SMYD3: variants seen among roughly 807,000 people sequenced by gnomAD.
SMYD3 encodes histone-lysine N-methyltransferase SMYD3.
Under a neutral mutation model 57.7 loss-of-function variants are expected in SMYD3, and 36 were observed. The ratio of observed to expected loss-of-function variants is 0.62; its 90% CI spans 0.48 to 0.82. The LOEUF is 0.82. Among genes scored for constraint, SMYD3 ranks in the 40% least tolerant of loss-of-function variants. The pLI is 0.00. For synonymous variants in SMYD3, 211 were observed against 195.0 expected (o/e 1.08, Z -0.68); for missense variants, 515 against 538.8 (o/e 0.96, Z 0.44).
rs184882817 is a variant in SMYD3, at chr1:245,803,221, C to T, written c.1077-39072G>A. ...TGGGATTCAGTTATGAATGGCTTGC[C>T]GTATGTGCAAGCACTCTGTCATTTG... On this transcript the variant is annotated intron_variant, in intron 10 of 11. Coordinates refer to ENST00000490107, the MANE Select transcript of SMYD3 (RefSeq NM_001167740.2). 3.2e-3 allele frequency among the ~76,000 whole-genome samples: 491 copies of T among 152,304 alleles called. 5 individuals carry two copies. The highest frequency in any genetic ancestry group is 0.026 in the Admixed American group (391 of 15,302).
intron 1 of SMYD3, among the ~76,000 whole-genome samples, chr1:246,386,998 CTATGT>C (rs1397899108): frequency 1.3e-5 from 2 of 152,144 alleles, no homozygotes; most frequent in African/African-American, 4.8e-5. Context: ...GGGGAACTAC[CTATGT>C]TATATGACTC....
chr1:246,415,255 C>A (rs1182833444), intron 1 of SMYD3, among the ~76,000 whole-genome samples: 4 of 152,214 alleles, frequency 2.6e-5, no homozygotes, highest in African/African-American at 9.6e-5. Flanking sequence ...CTTTTCTTCT[C>A]TGAACAGTTA....
chr1:246,290,885 A>T (rs2064676537), intron 5 of SMYD3, among the ~76,000 whole-genome samples: 1 of 152,220 alleles, frequency 6.6e-6, no homozygotes, highest in East Asian at 1.9e-4. Context: ...AGCAGCAGAA[A>T]GAAATATAAT....
chr1:245,753,812 A>T (rs1418273747), intron 11 of SMYD3, among the ~76,000 whole-genome samples: 1 of 151,618 alleles, frequency 6.6e-6, no homozygotes, highest in African/African-American at 2.4e-5. Flanking sequence ...TTCTCCTACC[A>T]CTCCCATCTG....
chr1:245,837,293 G>A (rs2050151416), intron 10 of SMYD3, among the ~76,000 whole-genome samples: 3 of 151,860 alleles, frequency 2.0e-5, no homozygotes. Context: ...AAGAAGAGAT[G>A]GCAGCCACAG....
intron 1 of SMYD3, among the ~76,000 whole-genome samples, chr1:246,375,697 G>T (rs1177745655): frequency 6.6e-6 from 1 of 152,032 alleles, no homozygotes; most frequent in Admixed American, 6.6e-5. Flanking sequence ...GCAATAATGT[G>T]AACTGGCTAA....
chr1:245,899,217 T>C (rs2054026058), intron 8 of SMYD3, among the ~76,000 whole-genome samples: 1 of 152,070 alleles, frequency 6.6e-6, no homozygotes, highest in African/African-American at 2.4e-5. Context: ...GAATTTATGA[T>C]CTTTTGGGAA....
intron 5 of SMYD3, among the ~76,000 whole-genome samples, chr1:246,032,964 A>G (rs554252271): frequency 6.6e-6 from 1 of 152,324 alleles, no homozygotes; most frequent in East Asian, 1.9e-4. Context: ...AATGATAATC[A>G]TGAATGCTTT....
chr1:246,234,586 A>G (rs1277649696), intron 5 of SMYD3, among the ~76,000 whole-genome samples: 1 of 151,990 alleles, frequency 6.6e-6, no homozygotes, highest in Admixed American at 6.6e-5. Flanking sequence ...TATACCGTAT[A>G]GGGGAGAAGC....
intron 5 of SMYD3, among the ~76,000 whole-genome samples, chr1:246,282,277 G>A: frequency 1.6e-5 from 2 of 123,324 alleles, no homozygotes. Context: ...AGACCAGCCT[G>A]GGCAACATGG....
At chr1:246,147,026 G>C (rs1239994807) in intron 5 of SMYD3, among the ~76,000 whole-genome samples, 1 of 152,134 alleles carries the variant, frequency 6.6e-6, no homozygotes, top group Non-Finnish European at 1.5e-5. Context: ...CAATCTGTTC[G>C]AGAATAATTA....
chr1:246,240,253 G>C lies in SMYD3; in HGVS notation c.531+86948C>G, dbSNP rs186671111. Among the ~76,000 whole-genome samples the C allele has an allele frequency of 6.6e-5, 10 of 152,240 alleles. No individual in the cohort carries two copies. The East Asian group carries it at 7.7e-4, about 12-fold the overall frequency. On this transcript the variant is annotated intron_variant, in intron 5 of 11. Transcript: ENST00000490107. ...AACATTTAAGTCTTTAATCCATCTT[G>C]AATTAATTTTTGTATAAGGTGTAAG...
At chr1:246,356,737 A>C (rs2065915550) in intron 1 of SMYD3, among the ~76,000 whole-genome samples, 1 of 152,162 alleles carries the variant, frequency 6.6e-6, no homozygotes, top group Admixed American at 6.5e-5. Flanking sequence ...CAATCCATCA[A>C]AGACAAAGAA....
chr1:245,903,105 G>C (rs1217141515), intron 8 of SMYD3, among the ~76,000 whole-genome samples: 2 of 152,092 alleles, frequency 1.3e-5, no homozygotes, highest in Non-Finnish European at 2.9e-5. Context: ...ACTCAGAAAA[G>C]CAGTTAATGA....
At chr1:246,373,635 C>T (rs7526115) in intron 1 of SMYD3, among the ~76,000 whole-genome samples, 38,072 of 151,842 alleles carry the variant, frequency 0.25, 5,243 homozygotes, top group East Asian at 0.51. Context: ...GAAAAGAAAC[C>T]GTTATTAAAA....
intron 7 of SMYD3, among the ~76,000 whole-genome samples, chr1:245,917,129 G>T (rs2055492169): frequency 6.6e-6 from 1 of 151,632 alleles, no homozygotes; most frequent in African/African-American, 2.4e-5. Context: ...TCCCAGGTTT[G>T]GGTGATCCTC....
At chr1:246,258,018 T>A (rs1435874712) in intron 5 of SMYD3, among the ~76,000 whole-genome samples, 1 of 151,478 alleles carries the variant, frequency 6.6e-6, no homozygotes, top group Non-Finnish European at 1.5e-5. Flanking sequence ...ACTTTTCTTA[T>A]AAATTACCCA....
At chr1:246,004,926 C>A (rs2059143130) in intron 5 of SMYD3, among the ~76,000 whole-genome samples, 1 of 152,194 alleles carries the variant, frequency 6.6e-6, no homozygotes, top group Admixed American at 6.5e-5. Context: ...CTCGCTGCAG[C>A]CTCAACCTCC....
chr1:246,131,787 G>T (rs1044451052), intron 5 of SMYD3, among the ~76,000 whole-genome samples: 1 of 152,120 alleles, frequency 6.6e-6, no homozygotes, highest in South Asian at 2.1e-4. Context: ...AAACAATGAT[G>T]AACACATATG....
Sources: allele counts gnomAD v4.1 joint callset (sites outside exome capture counted in the v4.1 genomes callset), GRCh38; gene constraint gnomAD v4.1.1; transcripts MANE v1.5; gene names NCBI Gene and HGNC (gene_info 2026-07-23, HGNC 2026-07-21).